RABGAP1L: variants seen among roughly 807,000 people sequenced by gnomAD.
The protein encoded by RABGAP1L is RAB GTPase activating protein 1 like.
RABGAP1L carries 63 observed loss-of-function variants against 137.7 expected under a neutral mutation model. The observed-to-expected ratio is 0.46, with a 90% CI of 0.37 to 0.56. RABGAP1L has a LOEUF of 0.56. RABGAP1L is among the 20% of genes least tolerant of loss of function. The probability of loss-of-function intolerance (pLI) is 0.00; values close to 1 mark genes in which losing one functional copy is unlikely to be tolerated. For synonymous variants in RABGAP1L, 431 were observed against 433.7 expected (o/e 0.99, Z 0.08); for missense variants, 1,095 against 1,244.0 (o/e 0.88, Z 1.80).
intron 11 of RABGAP1L, among the ~76,000 whole-genome samples, chr1:174,312,423 T>C (rs1678947377): frequency 6.6e-6 from 1 of 152,234 alleles, no homozygotes; most frequent in Admixed American, 6.5e-5. Flanking sequence ...TCAAATCTTT[T>C]GCCCGTGTGT....
intron 18 of RABGAP1L, among the ~76,000 whole-genome samples, chr1:174,797,046 A>C (rs930509189): frequency 1.3e-5 from 2 of 152,132 alleles, no homozygotes; most frequent in African/African-American, 4.8e-5. Flanking sequence ...CATTTAATAC[A>C]TAGTATATAT....
intron 13 of RABGAP1L, among the ~76,000 whole-genome samples, chr1:174,397,756 A>G (rs1648056504): frequency 6.6e-6 from 1 of 152,164 alleles, no homozygotes; most frequent in Non-Finnish European, 1.5e-5. Context: ...ACTTGAGGCT[A>G]AGAGCCCAGT....
chr1:174,924,343 C>T (rs561141744), intron 19 of RABGAP1L, among the ~76,000 whole-genome samples: 16 of 142,288 alleles, frequency 1.1e-4, no homozygotes, highest in East Asian at 2.1e-4. Flanking sequence ...GCCGAGATTG[C>T]GCCACTGCAC....
intron 13 of RABGAP1L, among the ~76,000 whole-genome samples, chr1:174,605,114 A>G (rs1670688493): frequency 6.6e-6 from 1 of 152,078 alleles, no homozygotes. Context: ...GCACTCCAGC[A>G]TGGGCAACAG....
intron 7 of RABGAP1L, among the ~76,000 whole-genome samples, chr1:174,271,212 T>C (rs1313593728): frequency 6.6e-6 from 1 of 152,112 alleles, no homozygotes; most frequent in Non-Finnish European, 1.5e-5. Context: ...GTGATCATTT[T>C]TGGGTGCCAG....
In RABGAP1L at chr1:174,812,825, C is replaced by A. The variant is rs1260472057; in HGVS notation, c.2340+865C>A. ...TATTAGATAGTCAATGTGGACCTCA[C>A]TGAGTCAATGAAGGAGATGAGAGAT... On this transcript the variant is annotated intron_variant, in intron 19 of 25. Transcript: ENST00000681986. 2.6e-5 allele frequency among the ~76,000 whole-genome samples: 4 copies of A among 152,120 alleles called. No homozygotes were observed. The South Asian group carries it at 6.2e-4, about 24-fold the overall frequency.
At chr1:174,704,514 G>C (rs946768319) in intron 17 of RABGAP1L, among the ~76,000 whole-genome samples, 1 of 152,212 alleles carries the variant, frequency 6.6e-6, no homozygotes, top group African/African-American at 2.4e-5. Context: ...TTGTAAGCAT[G>C]TAAGAGTTTT....
intron 11 of RABGAP1L, among the ~76,000 whole-genome samples, chr1:174,328,009 A>G (rs181516391): frequency 0.069 from 8,862 of 128,726 alleles, 529 homozygotes; most frequent in East Asian, 0.19. Flanking sequence ...ATATATATAT[A>G]TATATATATA....
At chr1:174,916,204 G>A (rs1176946839) in intron 19 of RABGAP1L, among the ~76,000 whole-genome samples, 2 of 151,456 alleles carry the variant, frequency 1.3e-5, no homozygotes, top group African/African-American at 4.9e-5. Context: ...AATTTCCCTG[G>A]CAACTTTGTT....
intron 19 of RABGAP1L, among the ~76,000 whole-genome samples, chr1:174,937,122 G>A (rs1431511360): frequency 1.3e-5 from 2 of 151,264 alleles, no homozygotes; most frequent in Non-Finnish European, 2.9e-5. Flanking sequence ...GTGACTACAG[G>A]CTCCTGCCAC....
chr1:174,964,682 C>A, intron 20 of RABGAP1L: 1 of 684,510 alleles, frequency 1.5e-6, no homozygotes, highest in Non-Finnish European at 2.1e-6. Context: ...TTTAGTCATT[C>A]ATGCAAACTG....
chr1:174,714,357 TAA>T (rs1346536158), intron 17 of RABGAP1L, among the ~76,000 whole-genome samples: 1 of 152,164 alleles, frequency 6.6e-6, no homozygotes, highest in Non-Finnish European at 1.5e-5. Context: ...GTATTGCTTT[TAA>T]AATGCCTATT....
chr1:174,914,613 C>A (rs764085002), intron 19 of RABGAP1L, among the ~76,000 whole-genome samples: 3 of 152,020 alleles, frequency 2.0e-5, no homozygotes, highest in African/African-American at 7.3e-5. Context: ...TAGTGGTTTC[C>A]CTTTCTTTAC....
intron 4 of RABGAP1L, among the ~76,000 whole-genome samples, chr1:174,234,719 CTT>C (rs1241455966): frequency 6.7e-6 from 1 of 149,890 alleles, no homozygotes; most frequent in Non-Finnish European, 1.5e-5. Context: ...CAGCTTTGCT[CTT>C]TTGGCTTAGG....
intron 24 of RABGAP1L, among the ~76,000 whole-genome samples, 195 bp downstream of exon 24, chr1:174,983,100 A>G (rs1671274036): frequency 6.6e-6 from 1 of 152,218 alleles, no homozygotes; most frequent in African/African-American, 2.4e-5. Context: ...GCTCCCATAA[A>G]TCATATGGAC....
At chr1:174,520,798 T>G (rs1385672711) in intron 13 of RABGAP1L, among the ~76,000 whole-genome samples, 1 of 151,950 alleles carries the variant, frequency 6.6e-6, no homozygotes, top group Non-Finnish European at 1.5e-5. Context: ...GTCAGGAGAT[T>G]GAGACCAGGC....
chr1:174,729,911 C>T (rs986005039), intron 17 of RABGAP1L, among the ~76,000 whole-genome samples: 13 of 152,108 alleles, frequency 8.5e-5, no homozygotes, highest in African/African-American at 2.9e-4. Flanking sequence ...AAGAGCTTGG[C>T]GATTTCTCAA....
intron 10 of RABGAP1L, among the ~76,000 whole-genome samples, chr1:174,285,753 T>C (rs1010126225): frequency 6.6e-6 from 1 of 152,200 alleles, no homozygotes; most frequent in Non-Finnish European, 1.5e-5. Flanking sequence ...TTCTTATTTT[T>C]TGGGGTACAT....
intron 1 of RABGAP1L, among the ~76,000 whole-genome samples, chr1:174,194,519 C>T (rs1667432857): frequency 1.3e-5 from 2 of 152,128 alleles, no homozygotes; most frequent in South Asian, 4.1e-4. Context: ...TAGGCATGAG[C>T]CACCGTGCCC....
Sources: gnomAD v4.1 joint callset for allele counts (sites outside exome capture counted in the v4.1 genomes callset) on GRCh38, gnomAD v4.1.1 for gene constraint, MANE v1.5 for transcripts, NCBI Gene and HGNC (gene_info 2026-07-23, HGNC 2026-07-21) for gene names.